Variants in ATP7A observed in about 807,000 individuals in gnomAD.
ATP7A encodes copper-transporting ATPase 1.
A neutral mutation model predicts 83.5 loss-of-function variants in ATP7A; 7 were observed. The observed-to-expected ratio is 0.08, with a 90% CI of 0.05 to 0.16. ATP7A has a LOEUF of 0.16. Among genes scored for constraint, ATP7A ranks in the 10% least tolerant of loss-of-function variants. The pLI is 1.00. For missense variants in ATP7A, 940 were observed against 1,120.8 expected (o/e 0.84, Z 2.30); for synonymous variants, 354 against 395.2 (o/e 0.90, Z 1.24).
chrX:78,011,069 G>T lies in ATP7A; in HGVS notation c.1870-107G>T, dbSNP rs782379759. The T allele has an allele frequency of 1.1e-4, 71 of 643,217 alleles. No homozygotes were observed. In the African/African-American group the frequency reaches 1.1e-3, roughly 10 times the overall value. 53.0% of individuals were successfully genotyped at this position (643,217 alleles called of 1,213,427 possible). On this transcript the variant is annotated intron_variant, in intron 7 of 22. Coordinates refer to ENST00000341514, the MANE Select transcript of ATP7A (RefSeq NM_000052.7). Reference sequence around the variant, plus strand: ...ATCTTTGTATTCCCCAGAGTGACTTGCCCTCAGTAATTGAACTGTTCTTAA... The same window carrying T: ...ATCTTTGTATTCCCCAGAGTGACTTTCCCTCAGTAATTGAACTGTTCTTAA...
Position 78,028,511 on chromosome X carries a change from A to T in ATP7A, c.2917-739A>T, listed in dbSNP as rs190966209. 5.5e-3 allele frequency among the ~76,000 whole-genome samples: 608 copies of T among 110,778 alleles called. 1 individual carries two copies. Among genetic ancestry groups the T allele is most frequent in the Non-Finnish European group, 9.2e-3 (483 of 52,713 alleles). On this transcript the variant is annotated intron_variant, in intron 14 of 22. Coordinates refer to ENST00000341514, the MANE Select transcript of ATP7A (RefSeq NM_000052.7). ...GCCATACCTGGCTAATTTTTCACAA[A>T]TTTTTTTTGTAGAGATGAGGTCTTA...
intron 1 of ATP7A, among the ~76,000 whole-genome samples, chrX:77,948,697 G>T (rs1320227591): frequency 9.0e-6 from 1 of 110,726 alleles, no homozygotes; most frequent in Non-Finnish European, 1.9e-5. Flanking sequence ...AGTGGACGTC[G>T]GTAGTTTTTT....
intron 1 of ATP7A, among the ~76,000 whole-genome samples, chrX:77,934,821 A>T (rs143045400): frequency 9.1e-6 from 1 of 110,077 alleles, no homozygotes; most frequent in Non-Finnish European, 1.9e-5. Context: ...GGGGTGGTCA[A>T]TGTTTATGAG....
intron 19 of ATP7A, among the ~76,000 whole-genome samples, chrX:78,041,341 T>C (rs1557238365): frequency 9.1e-6 from 1 of 110,017 alleles, no homozygotes. Context: ...AGTGGCGCGA[T>C]CTCGGCTCAT....
At chrX:77,969,725 C>T in intron 1 of ATP7A, 2 of 1,075,182 alleles carry the variant, frequency 1.9e-6, no homozygotes, top group Admixed American at 4.7e-5. Context: ...CACCCTTATT[C>T]CCTAACCACT....
chrX:78,014,969 T>G (rs1557234973), intron 11 of ATP7A, among the ~76,000 whole-genome samples: 1 of 112,213 alleles, frequency 8.9e-6, no homozygotes, highest in Admixed American at 9.5e-5. Flanking sequence ...GTTTTACGGC[T>G]AAATATTCTG....
intron 1 of ATP7A, among the ~76,000 whole-genome samples, chrX:77,945,113 TC>T (rs782768707): frequency 9.0e-6 from 1 of 111,318 alleles, no homozygotes; most frequent in Non-Finnish European, 1.9e-5. Context: ...AGCCTCAGCC[TC>T]CCAAAGTGCT....
chrX:77,956,387 G>T (rs1490073996), intron 1 of ATP7A, among the ~76,000 whole-genome samples: 2 of 111,874 alleles, frequency 1.8e-5, no homozygotes, highest in Non-Finnish European at 3.8e-5. Flanking sequence ...GTGATCAGTG[G>T]TATGGATTGC....
intron 5 of ATP7A, among the ~76,000 whole-genome samples, chrX:78,000,039 T>C (rs1410642467): frequency 9.0e-6 from 1 of 111,260 alleles, no homozygotes; most frequent in Non-Finnish European, 1.9e-5. Flanking sequence ...TAAAGAAGTA[T>C]GGACTAGTAT....
rs782724900 is a variant in ATP7A, at chrX:78,021,050, A to G, written c.2887A>G (p.Asn963Asp). The change falls in exon 14 of 23, where the codon AAT becomes GAT. Residue 963 changes from asparagine (N) to aspartate (D), a missense_variant. By Grantham distance (23) the Asn-to-Asp change is conservative. This residue lies in a region of ATP7A where 386 missense variants were observed against 502.2 expected (regional missense o/e 0.77). Transcript: ENST00000341514. ...GGTATGGATTGTAATTGGATTTCTG[A>G]ATTTTGAAATTGTGGAAACCTACTT... ...LLVWIVIGFL[N>D]FEIVETYFPG... 1.1e-5 allele frequency: 13 copies of G among 1,206,842 alleles called. No individual in the cohort carries two copies. The highest frequency in any genetic ancestry group is 1.5e-5 in the Non-Finnish European group (13 of 892,386).
At chrX:78,028,212 G>A (rs868980708) in intron 14 of ATP7A, among the ~76,000 whole-genome samples, 18 of 103,268 alleles carry the variant, frequency 1.7e-4, no homozygotes, top group Admixed American at 1.7e-3. Context: ...TTTTGAGACC[G>A]AGTTTCGCTC....
At chrX:77,984,992 G>GTT (rs1557231227) in intron 2 of ATP7A, among the ~76,000 whole-genome samples, 1 of 111,863 alleles carries the variant, frequency 8.9e-6, no homozygotes, top group Non-Finnish European at 1.9e-5. Flanking sequence ...GGCTAAAGCA[G>GTT]TTAGAAAGTA....
At chrX:77,964,726 G>A (rs1603377414) in intron 1 of ATP7A, 2 of 111,519 alleles carry the variant, frequency 1.8e-5, no homozygotes, top group South Asian at 7.6e-4. Context: ...CTTCATCCAT[G>A]TCCCTGCAAA....
chrX:78,042,910 G>A (rs1415021413), intron 20 of ATP7A, 122 bp downstream of exon 20: 1 of 854,531 alleles, frequency 1.2e-6, no homozygotes, highest in Non-Finnish European at 1.7e-6. Flanking sequence ...GCCATTAAGA[G>A]TTTAAGAATA....
intron 21 of ATP7A, among the ~76,000 whole-genome samples, chrX:78,044,564 G>A (rs781997701): frequency 9.0e-6 from 1 of 111,125 alleles, no homozygotes; most frequent in Admixed American, 9.6e-5. Flanking sequence ...ATCAGTTTTT[G>A]TCTTGTTACA....
At chrX:78,028,345 T>C (rs1373627757) in intron 14 of ATP7A, among the ~76,000 whole-genome samples, 1 of 111,062 alleles carries the variant, frequency 9.0e-6, no homozygotes. Flanking sequence ...TGTGCCACCA[T>C]GCCCAGCTAA....
At chrX:78,024,903 C>G (rs2077932363) in intron 14 of ATP7A, among the ~76,000 whole-genome samples, 1 of 111,382 alleles carries the variant, frequency 9.0e-6, no homozygotes, top group Non-Finnish European at 1.9e-5. Context: ...TACCTGGCAC[C>G]AACCTACCTG....
At chrX:77,932,103 C>T (rs1245070762) in intron 1 of ATP7A, among the ~76,000 whole-genome samples, 1 of 110,975 alleles carries the variant, frequency 9.0e-6, no homozygotes, top group Admixed American at 9.3e-5. Flanking sequence ...TCCTCACTTC[C>T]CAGACGGGGT....
intron 1 of ATP7A, among the ~76,000 whole-genome samples, chrX:77,932,349 C>T (rs1448439607): frequency 9.1e-6 from 1 of 109,382 alleles, no homozygotes; most frequent in Non-Finnish European, 1.9e-5. Context: ...GATGGGATGG[C>T]GGCCGGGAAG....
Sources: allele counts gnomAD v4.1 joint callset (sites outside exome capture counted in the v4.1 genomes callset), GRCh38; gene constraint gnomAD v4.1.1; regional missense constraint gnomAD v4.1.1; transcripts MANE v1.5; gene names NCBI Gene and HGNC (gene_info 2026-07-23, HGNC 2026-07-21).